AGO4: variants seen among roughly 807,000 people sequenced by gnomAD.
AGO4 encodes protein argonaute-4.
Under a neutral mutation model 104.7 loss-of-function variants are expected in AGO4, and 33 were observed. That is an observed-to-expected ratio of 0.32 (90% CI 0.24 to 0.42). The LOEUF (loss-of-function observed/expected upper bound fraction) is 0.42. AGO4 is among the 10% of genes least tolerant of loss of function. The pLI is 1.00. For synonymous variants in AGO4, 331 were observed against 364.7 expected, an observed-to-expected ratio of 0.91 and a Z score of 1.05; for missense variants, 711 against 1,083.4, an observed-to-expected ratio of 0.66 and a Z score of 4.83.
At chr1:35,839,245 C>T (rs916801401) in intron 13 of AGO4, among the ~76,000 whole-genome samples, 3 of 152,174 alleles carry the variant, frequency 2.0e-5, no homozygotes, top group Non-Finnish European at 4.4e-5. Flanking sequence ...CCTCCCAACA[C>T]AGTTCTCATT....
chr1:35,809,587 A>G (rs16822342), intron 1 of AGO4, among the ~76,000 whole-genome samples: 15,388 of 152,202 alleles, frequency 0.1, 1,259 homozygotes, highest in African/African-American at 0.23. Context: ...TTAAAAATAA[A>G]TTGGCTTGCC....
In AGO4 at chr1:35,856,747, G is replaced by T. The variant is rs1032088912; in HGVS notation, c.*3142G>T. On this transcript the variant is annotated 3_prime_UTR_variant, in exon 18 of 18. Coordinates refer to ENST00000373210, the MANE Select transcript of AGO4 (RefSeq NM_017629.4). ...CTCGGGAGGCTGAGGCAGGAGAATT[G>T]CTTGAACCCAGGAGGTGGACGGTGC... 1 of 146,210 alleles carries T rather than the reference G, an allele frequency of 6.8e-6. No individual in the cohort carries two copies. Among genetic ancestry groups the T allele is most frequent in the African/African-American group, 2.5e-5 (1 of 40,076 alleles). The allele number at this position is 146,210 out of a possible 1,614,324, so 9.1% of individuals were successfully genotyped here. A position where few individuals can be genotyped will look rare whatever the true frequency, so the allele number is the denominator to read the frequency against.
chr1:35,834,170 A>G lies in AGO4; in HGVS notation c.1560A>G (p.Val520=). Residue 520 remains valine, a synonymous_variant, in exon 12 of 18, where the codon GTA becomes GTG. Transcript: ENST00000373210. ...IVVILPGKTP[V]YAEVKRVGDT... is the part of the protein sequence containing the mutation. Reference sequence around the variant, plus strand: ...TTATCCTGCCTGGAAAGACACCAGTATATGGTATGGACCCTTTTAATGCTG... The same window carrying G: ...TTATCCTGCCTGGAAAGACACCAGTGTATGGTATGGACCCTTTTAATGCTG... 6.3e-7 allele frequency: 1 copy of G among 1,595,728 alleles called. No individual in the cohort carries two copies.
intron 17 of AGO4, among the ~76,000 whole-genome samples, chr1:35,852,085 G>A (rs1347307929): frequency 1.3e-5 from 2 of 152,164 alleles, no homozygotes; most frequent in Admixed American, 1.3e-4. Context: ...GACACAAAGG[G>A]GAAAAAGCAA....
At chr1:35,850,609 A>T (rs971937418) in intron 16 of AGO4, among the ~76,000 whole-genome samples, 2 of 151,632 alleles carry the variant, frequency 1.3e-5, no homozygotes, top group East Asian at 3.9e-4. Context: ...GTGAAACCCC[A>T]TCTCTACTAA....
At chr1:35,837,385 G>GTT (rs796856623) in intron 13 of AGO4, among the ~76,000 whole-genome samples, 10 of 141,304 alleles carry the variant, frequency 7.1e-5, no homozygotes, top group African/African-American at 2.6e-4. Context: ...CGCCTGGCCT[G>GTT]TTTTTTTTTT....
rs1644762921 is a variant in AGO4, at chr1:35,853,877, C to CGAA, written c.*272_*273insGAA. ...ATGTGCAAAGGCTGATCAGCCTGAA[C>CGAA]TTTCTAAAGGACTTTACAAGAAGGG... On this transcript the variant is annotated 3_prime_UTR_variant, in exon 18 of 18. Coordinates refer to ENST00000373210, the MANE Select transcript of AGO4 (RefSeq NM_017629.4). 3 of 278,270 alleles carry CGAA rather than the reference C, an allele frequency of 1.1e-5. No homozygotes were observed. Among genetic ancestry groups the CGAA allele is most frequent in the Admixed American group, 1.0e-4 (2 of 19,360 alleles). 17.2% of individuals were successfully genotyped at this position (278,270 alleles called of 1,614,324 possible). A position where few individuals can be genotyped will look rare whatever the true frequency, so the allele number is the denominator to read the frequency against.
chr1:35,827,790 C>CTTTTTTTTTTTTTTTTTTTT (rs142432459), intron 7 of AGO4, among the ~76,000 whole-genome samples: 1 of 103,850 alleles, frequency 9.6e-6, no homozygotes, highest in Non-Finnish European at 1.9e-5. Flanking sequence ...TGTTGTTATT[C>CTTTTTTTTTTTTTTTTTTTT]TTTTTTTTTT....
At chr1:35,845,862 G>A (rs1469555960) in intron 15 of AGO4, among the ~76,000 whole-genome samples, 1 of 152,196 alleles carries the variant, frequency 6.6e-6, no homozygotes, top group Non-Finnish European at 1.5e-5. Flanking sequence ...CTCTGCTGCA[G>A]CTGTGACCCT....
intron 7 of AGO4, 66 bp from the exon 8 acceptor site, chr1:35,831,361 A>C (rs528811385): frequency 6.5e-7 from 1 of 1,528,530 alleles, no homozygotes; most frequent in Admixed American, 2.2e-5. Context: ...AAAAAAAAAG[A>C]AAAAAGAAAA....
intron 2 of AGO4, among the ~76,000 whole-genome samples, chr1:35,821,531 A>T (rs761905484): frequency 6.6e-6 from 1 of 152,202 alleles, no homozygotes; most frequent in East Asian, 1.9e-4. Context: ...TTTTTTTGCC[A>T]CTGCATTTAT....
At chr1:35,842,807 C>CA (rs199594853) in intron 15 of AGO4, among the ~76,000 whole-genome samples, 30 of 151,252 alleles carry the variant, frequency 2.0e-4, no homozygotes, top group Non-Finnish European at 3.0e-4. Context: ...TAAAAGAAAA[C>CA]AAAAAAAAAT....
chr1:35,816,538 C>T (rs552053526), intron 1 of AGO4, among the ~76,000 whole-genome samples: 69 of 152,150 alleles, frequency 4.5e-4, no homozygotes, highest in South Asian at 8.3e-4. Flanking sequence ...CGGTGGCTCA[C>T]GCCTGTAATC....
intron 6 of AGO4, 146 bp downstream of exon 6, chr1:35,826,206 G>A: frequency 1.1e-6 from 1 of 915,568 alleles, no homozygotes; most frequent in African/African-American, 1.7e-5. Context: ...TAACCACTGT[G>A]AACCTTAGTG....
intron 2 of AGO4, among the ~76,000 whole-genome samples, chr1:35,818,625 AAAAGAAAG>A (rs60952067): frequency 0.026 from 3,266 of 126,010 alleles, 107 homozygotes; most frequent in African/African-American, 0.057. Context: ...CTCTGTCTCA[AAAAGAAAG>A]AAAGAAAGAA....
At chr1:35,831,385 G>T (rs199522424) in intron 7 of AGO4, 42 bp from the exon 8 acceptor site, 1 of 1,550,352 alleles carries the variant, frequency 6.5e-7, no homozygotes, top group East Asian at 2.3e-5. Flanking sequence ...AGAAAAGAAA[G>T]AACTTGAAGA....
chr1:35,846,057 T>A (rs546526402), intron 15 of AGO4, among the ~76,000 whole-genome samples: 10 of 152,238 alleles, frequency 6.6e-5, no homozygotes, highest in African/African-American at 2.4e-4. Flanking sequence ...GGATGTATAA[T>A]CCTCCCCCAG....
chr1:35,808,191 C>T lies in AGO4; in HGVS notation c.-226C>T, dbSNP rs1643359235. 6.2e-6 allele frequency: 1 copy of T among 161,708 alleles called. No individual in the cohort carries two copies. The highest frequency in any genetic ancestry group is 1.3e-5 in the Non-Finnish European group (1 of 77,566). 10.0% of individuals were successfully genotyped at this position (161,708 alleles called of 1,614,324 possible). ...CCGTTGGCGGCGGCGGCGGCGGCGG[C>T]GGCGGGGATTGTTTTTGTTGTCGCT... On this transcript the variant is annotated 5_prime_UTR_variant, in exon 1 of 18. Coordinates refer to ENST00000373210, the MANE Select transcript of AGO4 (RefSeq NM_017629.4). This position sits in a 1 kb window ranked among gnomAD's most constrained non-coding sequence, Gnocchi z 5.2.
At chr1:35,826,456 C>T (rs1162288294) in intron 6 of AGO4, among the ~76,000 whole-genome samples, 14 of 152,140 alleles carry the variant, frequency 9.2e-5, no homozygotes, top group Admixed American at 9.2e-4. Context: ...AGAATATAAA[C>T]TTCACGAAAG....
Sources: allele counts gnomAD v4.1 joint callset (sites outside exome capture counted in the v4.1 genomes callset), GRCh38; gene constraint gnomAD v4.1.1; non-coding constraint Gnocchi (gnomAD v3.1); transcripts MANE v1.5; gene names NCBI Gene and HGNC (gene_info 2026-07-23, HGNC 2026-07-21).